Variants in RBM17 observed in about 807,000 individuals in gnomAD.
The protein encoded by RBM17 is RNA binding motif protein 17.
A neutral mutation model predicts 53.2 loss-of-function variants in RBM17; 7 were observed. The observed-to-expected ratio is 0.13, with a 90% CI of 0.07 to 0.25. The LOEUF is 0.25. Ranked by LOEUF, RBM17 falls within the 10% of genes least tolerant of loss-of-function variation. RBM17 has a pLI of 1.00. For missense variants in RBM17, 257 were observed against 496.7 expected, an observed-to-expected ratio of 0.52 and a Z score of 4.59; for synonymous variants, 167 against 178.1, an observed-to-expected ratio of 0.94 and a Z score of 0.50.
chr10:6,101,150 A>G (rs1840664493), intron 2 of RBM17, 121 bp from the exon 3 acceptor site: 2 of 505,714 alleles, frequency 4.0e-6, no homozygotes, highest in African/African-American at 2.0e-5. Context: ...TTGTTTTGAG[A>G]TTATGGTTTT....
intron 9 of RBM17, 74 bp downstream of exon 9, chr10:6,113,655 C>G (rs1178032834): frequency 1.0e-6 from 1 of 975,190 alleles, no homozygotes; most frequent in Non-Finnish European, 1.6e-6. Context: ...CCTGCTCCCC[C>G]TAAAAGTTAA....
At chr10:6,106,008 C>T in intron 4 of RBM17, 133 bp from the exon 5 acceptor site, 1 of 613,244 alleles carries the variant, frequency 1.6e-6, no homozygotes, top group East Asian at 2.8e-5. Flanking sequence ...GCTTCCTACC[C>T]CCTCTACCCC....
intron 2 of RBM17, among the ~76,000 whole-genome samples, chr10:6,098,506 AATTAAT>A: frequency 6.6e-6 from 1 of 151,082 alleles, no homozygotes; most frequent in South Asian, 2.1e-4. Flanking sequence ...GAGACTTAAG[AATTAAT>A]ATTAATCTCT....
intron 2 of RBM17, among the ~76,000 whole-genome samples, chr10:6,098,556 G>GGTTTTTGTTTTTTTTTTTTTTTTTTTTT (rs1840613398): frequency 1.1e-5 from 1 of 87,976 alleles, no homozygotes; most frequent in Admixed American, 1.4e-4. Flanking sequence ...TAATACACAG[G>GGTTTTTGTTTTTTTTTTTTTTTTTTTTT]TTTTTTGTTT....
intron 1 of RBM17, 96 bp from the exon 2 acceptor site, chr10:6,096,952 G>T (rs779186911): frequency 1.7e-6 from 2 of 1,201,504 alleles, no homozygotes; most frequent in Non-Finnish European, 2.3e-6. Flanking sequence ...AAAGGTCCTG[G>T]ACCTTTTACC....
intron 3 of RBM17, 57 bp from the exon 4 acceptor site, chr10:6,104,874 G>T (rs1840723988): frequency 6.8e-7 from 1 of 1,473,218 alleles, no homozygotes; most frequent in Non-Finnish European, 9.4e-7. Flanking sequence ...CCTGAATCCT[G>T]TGAGTAAACT....
At chr10:6,095,494 G>A (rs1398119546) in intron 1 of RBM17, among the ~76,000 whole-genome samples, 1 of 152,114 alleles carries the variant, frequency 6.6e-6, no homozygotes, top group African/African-American at 2.4e-5. Flanking sequence ...GATTACAGGC[G>A]TGAGCCACCG....
intron 4 of RBM17, 114 bp from the exon 5 acceptor site, chr10:6,106,027 C>T: frequency 2.9e-6 from 2 of 694,280 alleles, no homozygotes; most frequent in Non-Finnish European, 5.1e-6. Context: ...CCTGCAACTT[C>T]ATAGTTGATT....
Position 6,110,098 on chromosome 10 carries a change from A to C in RBM17, c.675A>C (p.Gly225=). The C allele has an allele frequency of 6.2e-7, 1 of 1,611,064 alleles. No homozygotes were observed. The highest frequency in any genetic ancestry group is 8.5e-7 in the Non-Finnish European group (1 of 1,178,548). The change falls in exon 7 of 12, where the codon GGA becomes GGC. Residue 225 remains glycine (G), a synonymous_variant. Coordinates refer to ENST00000379888, the MANE Select transcript of RBM17 (RefSeq NM_032905.5). The part of the protein sequence containing the change: ...EEQDRPRSPT[G]PSNSFLANMG... Reference sequence around the variant, plus strand: ...AAGACAGACCGAGATCTCCAACCGGACCTAGCAACTCCTTCCTCGCTAACA... The same window carrying C: ...AAGACAGACCGAGATCTCCAACCGGCCCTAGCAACTCCTTCCTCGCTAACA...
At chr10:6,103,022 G>T (rs761030568) in intron 3 of RBM17, among the ~76,000 whole-genome samples, 7 of 152,162 alleles carry the variant, frequency 4.6e-5, no homozygotes, top group South Asian at 2.1e-4. Context: ...GAACTCCTGA[G>T]CTCAAACGAT....
intron 1 of RBM17, among the ~76,000 whole-genome samples, chr10:6,091,438 T>C (rs1340114598): frequency 1.3e-5 from 2 of 152,202 alleles, no homozygotes; most frequent in Non-Finnish European, 2.9e-5. Context: ...GAAATATTTC[T>C]TGCTAACAAG....
chr10:6,108,610 A>T (rs981920605), intron 5 of RBM17, 76 bp from the exon 6 acceptor site: 20 of 1,176,622 alleles, frequency 1.7e-5, no homozygotes, highest in Non-Finnish European at 2.5e-5. Context: ...TGGGTGATAG[A>T]TATATGGTGT....
At chr10:6,098,563 G>GTCTTTTTTTTTTTT (rs1554834988) in intron 2 of RBM17, among the ~76,000 whole-genome samples, 1 of 46,640 alleles carries the variant, frequency 2.1e-5, no homozygotes, top group Admixed American at 2.6e-4. Flanking sequence ...CAGGTTTTTT[G>GTCTTTTTTTTTTTT]TTTTTTTTTT....
At chr10:6,091,967 G>A (rs1208408765) in intron 1 of RBM17, among the ~76,000 whole-genome samples, 1 of 152,142 alleles carries the variant, frequency 6.6e-6, no homozygotes, top group Non-Finnish European at 1.5e-5. Flanking sequence ...TTTCCTGCCA[G>A]TTGCACATGT....
Position 6,112,572 on chromosome 10 carries a change from T to A in RBM17, c.856+211T>A. 1 of 591,116 alleles carries A rather than the reference T, an allele frequency of 1.7e-6. No homozygotes were observed. The allele number at this position is 591,116 out of a possible 1,614,324, so 36.6% of individuals were successfully genotyped here. On this transcript the variant is annotated intron_variant, in intron 8 of 11. Transcript: ENST00000379888. This position sits in a 1 kb window ranked among gnomAD's most constrained non-coding sequence, Gnocchi z 4.4. ...TTTGTGAAACCAGGAATCCTGAGGC[T>A]CATCTTTATTTTTTCAGAACAGACG...
chr10:6,113,385 CAT>C lies in RBM17; in HGVS notation c.857-121_857-120del, dbSNP rs1840868034. 3.1e-5 allele frequency: 21 copies of C among 673,694 alleles called. No homozygotes were observed. The South Asian group carries it at 4.0e-4, about 13-fold the overall frequency. 41.7% of individuals were successfully genotyped at this position (673,694 alleles called of 1,614,324 possible). ...AGACCAATTGTGTAGATGCCTAGGA[CAT>C]AAATGGTGGGGATCGCTATTGAAAT... On this transcript the variant is annotated intron_variant, in intron 8 of 11. Transcript: ENST00000379888.
chr10:6,107,929 A>G (rs899568935), intron 5 of RBM17, among the ~76,000 whole-genome samples: 8 of 152,320 alleles, frequency 5.3e-5, no homozygotes, highest in Non-Finnish European at 1.2e-4. Context: ...TAATCCATAT[A>G]TGTTAGGACT....
chr10:6,115,744 A>T lies in RBM17; in HGVS notation c.*188A>T, dbSNP rs562594558. ...TTTAATATAGTATAAAAATCCTTTT[A>T]AAAAAACAACAATCTGTGTGCCTCT... On this transcript the variant is annotated 3_prime_UTR_variant, in exon 12 of 12. Coordinates refer to ENST00000379888, the MANE Select transcript of RBM17 (RefSeq NM_032905.5). The T allele has an allele frequency of 6.9e-6, 3 of 433,162 alleles. No homozygotes were observed. The highest frequency in any genetic ancestry group is 3.3e-5 in the East Asian group (1 of 29,864). 26.8% of individuals were successfully genotyped at this position (433,162 alleles called of 1,614,324 possible).
rs753704119 is a variant in RBM17 at position 6,117,176 on chromosome 10, G to A, written c.*1620G>A. On this transcript the variant is annotated 3_prime_UTR_variant, in exon 12 of 12. Coordinates refer to ENST00000379888, the MANE Select transcript of RBM17 (RefSeq NM_032905.5). ...GCTTTTCCTAACATTCTCATGGTCAGCAACCAGAGAGTTGCAACCAACTCA... is the reference window on the plus strand; with the variant it reads ...GCTTTTCCTAACATTCTCATGGTCAACAACCAGAGAGTTGCAACCAACTCA... The A allele has an allele frequency of 1.3e-5, 2 of 152,332 alleles. No homozygotes were observed. Among genetic ancestry groups the A allele is most frequent in the Non-Finnish European group, 2.9e-5 (2 of 68,038 alleles). The allele number at this position is 152,332 out of a possible 1,614,324, so 9.4% of individuals were successfully genotyped here.
Sources: gnomAD v4.1 joint callset for allele counts (sites outside exome capture counted in the v4.1 genomes callset) on GRCh38, gnomAD v4.1.1 for gene constraint, Gnocchi (gnomAD v3.1) non-coding constraint, MANE v1.5 for transcripts, NCBI Gene and HGNC (gene_info 2026-07-23, HGNC 2026-07-21) for gene names.